Variants in UNC13A observed in about 807,000 individuals in gnomAD.
UNC13A encodes the protein protein unc-13 homolog A.
In UNC13A, 61 loss-of-function variants were observed where a neutral mutation model predicts 219.7. That is an observed-to-expected ratio of 0.28 (90% CI 0.23 to 0.34). The LOEUF is 0.34. UNC13A is among the 10% of genes least tolerant of loss of function. The pLI, the probability that UNC13A is intolerant of heterozygous loss-of-function variation, is 1.00. For synonymous variants in UNC13A, 920 were observed against 884.6 expected (o/e 1.04, Z -0.71); for missense variants, 1,476 against 2,270.3 (o/e 0.65, Z 7.11).
intron 43 of UNC13A, among the ~76,000 whole-genome samples, chr19:17,608,857 G>C (rs2076569942): frequency 6.6e-6 from 1 of 151,536 alleles, no homozygotes; most frequent in Admixed American, 6.6e-5. Flanking sequence ...CACCATGTTG[G>C]CCAGGCTGGT....
chr19:17,669,497 A>G, intron 5 of UNC13A, 56 bp downstream of exon 5: 38 of 1,591,982 alleles, frequency 2.4e-5, no homozygotes, highest in Non-Finnish European at 3.1e-5. Flanking sequence ...GGAATAGCTG[A>G]GTGAGTCCAC....
intron 41 of UNC13A, among the ~76,000 whole-genome samples, chr19:17,617,384 G>T (rs1288242583): frequency 1.3e-5 from 2 of 152,092 alleles, no homozygotes; most frequent in South Asian, 2.1e-4. Flanking sequence ...GACGTCACAG[G>T]TTCCACACCT....
intron 38 of UNC13A, among the ~76,000 whole-genome samples, chr19:17,619,798 C>A (rs1194679967): frequency 5.3e-5 from 8 of 152,168 alleles, no homozygotes; most frequent in Admixed American, 5.2e-4. Context: ...CTCCACCCCA[C>A]CCCCAAACAG....
intron 42 of UNC13A, 52 bp from the exon 43 acceptor site, chr19:17,610,151 A>C: frequency 6.2e-7 from 1 of 1,608,640 alleles, no homozygotes; most frequent in Non-Finnish European, 8.5e-7. Context: ...AGTTGGAAAA[A>C]GTAGATGTTT....
rs564160099 is a variant in UNC13A, at chr19:17,642,729, C to T, written c.2472+116G>A. On this transcript the variant is annotated intron_variant, in intron 20 of 43. Transcript: ENST00000519716. ...TTTCCAGGTAAAGGGAATGGCATGG[C>T]GGGCAGTCTCAGAGGGCCAGGAGAG... 2.6e-4 allele frequency: 215 copies of T among 815,444 alleles called. 1 individual carries two copies. Among genetic ancestry groups the T allele is most frequent in the African/African-American group, 5.4e-4 (31 of 57,616 alleles). 50.5% of individuals were successfully genotyped at this position (815,444 alleles called of 1,614,324 possible).
Position 17,639,821 on chromosome 19 carries a change from T to C in UNC13A, c.2856+19A>G. On this transcript the variant is annotated intron_variant, in intron 23 of 43. Coordinates refer to ENST00000519716, the MANE Select transcript of UNC13A (RefSeq NM_001080421.3). ...ACATGTGCGTGGGGTGAGCAAATTC[T>C]CATGCACACACTTCCTACCCGGTAC... is the stretch of plus-strand genomic sequence containing the variant. 1 of 1,613,408 alleles carries C rather than the reference T, an allele frequency of 6.2e-7. No homozygotes were observed. Among genetic ancestry groups the C allele is most frequent in the Non-Finnish European group, 8.5e-7 (1 of 1,179,580 alleles).
chr19:17,645,650 G>A (rs767681341), intron 19 of UNC13A, 24 bp downstream of exon 19: 15 of 1,613,194 alleles, frequency 9.3e-6, no homozygotes, highest in African/African-American at 5.3e-5. Flanking sequence ...GTCCCCACCC[G>A]CTTCAGAACC....
At chr19:17,637,796 T>C (rs1249247208) in intron 25 of UNC13A, among the ~76,000 whole-genome samples, 1 of 82,932 alleles carries the variant, frequency 1.2e-5, no homozygotes, top group East Asian at 3.7e-4. Context: ...TTATGTGTTA[T>C]ATCCTATCAG....
At position 17,684,426 on chromosome 19, in the gene UNC13A, G is replaced by T. The variant is rs73518322; in HGVS notation, c.22+3752C>A. 9.4e-3 allele frequency among the ~76,000 whole-genome samples: 1,433 copies of T among 152,282 alleles called. 21 individuals are homozygous for T. Among genetic ancestry groups the T allele is most frequent in the African/African-American group, 0.033 (1,361 of 41,560 alleles). On this transcript the variant is annotated intron_variant, in intron 1 of 43. Transcript: ENST00000519716. The stretch of plus-strand genomic sequence containing the variant: ...GGAATAGGGCTGGGTCCCAGAGCCA[G>T]GAACAGTGCCTGGTATACAGTAGGT...
chr19:17,606,159 C>A lies in UNC13A; in HGVS notation c.5007G>T (p.Leu1669=). ...CGTTGCTGCGCTGCGAGAGGATTCG[C>A]AGCACCGTGAGGCCCGTGTCGTCCA... ...IHMDDTGLTV[L]RILSQRSNDE... Residue 1669 remains leucine, a synonymous_variant, in exon 44 of 44, where the codon CTG becomes CTT. Coordinates refer to ENST00000519716, the MANE Select transcript of UNC13A (RefSeq NM_001080421.3). The A allele has an allele frequency of 6.3e-7, 1 of 1,582,694 alleles. No homozygotes were observed. The highest frequency in any genetic ancestry group is 8.6e-7 in the Non-Finnish European group (1 of 1,166,184).
At chr19:17,645,112 G>A (rs1031411739) in intron 19 of UNC13A, among the ~76,000 whole-genome samples, 1 of 150,218 alleles carries the variant, frequency 6.7e-6, no homozygotes, top group East Asian at 2.0e-4. Context: ...GGGTTCAAGC[G>A]ATTCTCCTGC....
chr19:17,617,919 C>G, intron 40 of UNC13A, 70 bp from the exon 41 acceptor site: 1 of 1,573,766 alleles, frequency 6.4e-7, no homozygotes, highest in Non-Finnish European at 8.7e-7. Context: ...CTGGGTAGCC[C>G]TGCTGTCCCC....
At chr19:17,656,667 C>A (rs2079460718) in intron 9 of UNC13A, among the ~76,000 whole-genome samples, 1 of 152,124 alleles carries the variant, frequency 6.6e-6, no homozygotes, top group African/African-American at 2.4e-5. Context: ...GCCTGGCCAA[C>A]ATGGTGAAAC....
intron 4 of UNC13A, 101 bp from the exon 5 acceptor site, chr19:17,669,777 A>C: frequency 1.5e-6 from 2 of 1,367,412 alleles, no homozygotes; most frequent in Non-Finnish European, 9.7e-7. Context: ...CCCTACCCCA[A>C]AACCAAAGTC....
intron 11 of UNC13A, among the ~76,000 whole-genome samples, chr19:17,654,947 G>A (rs1479134073): frequency 1.3e-5 from 2 of 152,214 alleles, no homozygotes; most frequent in Admixed American, 6.5e-5. Flanking sequence ...TGGTTTGGGA[G>A]TTAGCATAGC....
At chr19:17,643,093 C>T (rs866657797) in intron 19 of UNC13A, 133 bp from the exon 20 acceptor site, 9 of 610,806 alleles carry the variant, frequency 1.5e-5, no homozygotes, top group Admixed American at 5.7e-5. Flanking sequence ...CTCACTGCAA[C>T]CTCCACCTCC....
intron 8 of UNC13A, among the ~76,000 whole-genome samples, chr19:17,660,509 T>C (rs2079532276): frequency 6.9e-6 from 1 of 144,608 alleles, no homozygotes. Flanking sequence ...ATTGGTGTTT[T>C]GTTTTGTTTG....
intron 1 of UNC13A, among the ~76,000 whole-genome samples, chr19:17,685,402 A>G (rs2080089075): frequency 1.3e-5 from 2 of 152,154 alleles, no homozygotes; most frequent in Non-Finnish European, 2.9e-5. Flanking sequence ...CATGTTGGCC[A>G]GGCTGGTCTT....
At chr19:17,620,919 C>T (rs191330343) in intron 37 of UNC13A, among the ~76,000 whole-genome samples, 197 bp from the exon 38 acceptor site, 38 of 152,138 alleles carry the variant, frequency 2.5e-4, no homozygotes, top group Non-Finnish European at 5.0e-4. Flanking sequence ...GGTCAGACTC[C>T]TTGACTGCCA....
Sources: allele counts gnomAD v4.1 joint callset (sites outside exome capture counted in the v4.1 genomes callset), GRCh38; gene constraint gnomAD v4.1.1; transcripts MANE v1.5; gene names NCBI Gene and HGNC (gene_info 2026-07-23, HGNC 2026-07-21).